Variants in CNTN4 observed in about 807,000 individuals in gnomAD.
CNTN4 encodes contactin-4.
In CNTN4, 77 loss-of-function variants were observed where a neutral mutation model predicts 122.5. That is an observed-to-expected ratio of 0.63 (90% CI 0.52 to 0.76). The LOEUF is 0.76. Ranked by LOEUF, CNTN4 falls within the 30% of genes least tolerant of loss-of-function variation. The pLI, the probability that CNTN4 is intolerant of heterozygous loss-of-function variation, is 0.00. For synonymous variants in CNTN4, 512 were observed against 447.0 expected (o/e 1.15, Z -1.83); for missense variants, 1,256 against 1,259.1 (o/e 1.00, Z 0.04).
intron 3 of CNTN4, among the ~76,000 whole-genome samples, chr3:2,391,440 G>A (rs979245565): frequency 6.6e-6 from 1 of 152,138 alleles, no homozygotes; most frequent in Non-Finnish European, 1.5e-5. Context: ...GAGAAAGATG[G>A]AAAAGCTTTG....
chr3:2,383,885 C>T (rs1412969588), intron 3 of CNTN4, among the ~76,000 whole-genome samples: 1 of 151,982 alleles, frequency 6.6e-6, no homozygotes, highest in African/African-American at 2.4e-5. Flanking sequence ...GACTTGTGTT[C>T]TAATAAACCC....
At chr3:2,191,853 A>G (rs571378342) in intron 2 of CNTN4, among the ~76,000 whole-genome samples, 22 of 152,134 alleles carry the variant, frequency 1.4e-4, no homozygotes, top group Middle Eastern at 3.4e-3. Context: ...TACATTAGGT[A>G]TATCTCCTAA....
chr3:2,788,704 G>C (rs1253471426), intron 6 of CNTN4, among the ~76,000 whole-genome samples: 1 of 152,088 alleles, frequency 6.6e-6, no homozygotes, highest in Non-Finnish European at 1.5e-5. Flanking sequence ...ACAGTCATTA[G>C]AATGCCAACC....
chr3:2,514,862 A>AT (rs1377241364), intron 3 of CNTN4, among the ~76,000 whole-genome samples: 10 of 151,930 alleles, frequency 6.6e-5, no homozygotes, highest in African/African-American at 2.2e-4. Context: ...GGATGCTTTC[A>AT]TTTTTTCTTC....
chr3:2,654,773 T>C (rs2150226999), intron 4 of CNTN4, among the ~76,000 whole-genome samples: 1 of 152,304 alleles, frequency 6.6e-6, no homozygotes, highest in East Asian at 1.9e-4. Flanking sequence ...TTAGGAGTCC[T>C]GGATTGCACA....
chr3:2,736,046 A>T (rs1280047808), intron 4 of CNTN4, 169 bp from the exon 5 acceptor site: 16 of 761,786 alleles, frequency 2.1e-5, no homozygotes, highest in African/African-American at 3.4e-5. Context: ...AATCCACAGA[A>T]GATTAACCTT....
intron 13 of CNTN4, among the ~76,000 whole-genome samples, chr3:2,966,397 C>T (rs1692311505): frequency 6.6e-6 from 1 of 152,034 alleles, no homozygotes; most frequent in Non-Finnish European, 1.5e-5. Context: ...ACAAATTTTG[C>T]ACGTTCTCAC....
chr3:2,555,689 A>G (rs1315947357), intron 3 of CNTN4, among the ~76,000 whole-genome samples: 2 of 152,202 alleles, frequency 1.3e-5, no homozygotes, highest in Admixed American at 6.5e-5. Context: ...TCTCTGATGT[A>G]TCAAGGCAGT....
intron 6 of CNTN4, among the ~76,000 whole-genome samples, chr3:2,812,491 C>G (rs569607375): frequency 1.3e-5 from 2 of 152,178 alleles, no homozygotes; most frequent in Admixed American, 6.5e-5. Flanking sequence ...CAGCATCAAT[C>G]TTGACTTGAA....
chr3:2,413,614 G>A (rs1396685481), intron 3 of CNTN4, among the ~76,000 whole-genome samples: 8 of 151,926 alleles, frequency 5.3e-5, no homozygotes, highest in African/African-American at 1.9e-4. Context: ...CGTGATCTCG[G>A]CTCACTACAA....
intron 3 of CNTN4, among the ~76,000 whole-genome samples, chr3:2,485,753 A>G (rs915700316): frequency 6.6e-6 from 1 of 152,140 alleles, no homozygotes; most frequent in African/African-American, 2.4e-5. Context: ...AAATGCACCA[A>G]TCAGTGCTCT....
At chr3:2,391,179 G>A (rs1222131198) in intron 3 of CNTN4, among the ~76,000 whole-genome samples, 1 of 152,134 alleles carries the variant, frequency 6.6e-6, no homozygotes, top group Non-Finnish European at 1.5e-5. Flanking sequence ...TATGGGGTTG[G>A]ATACTTGCCA....
intron 3 of CNTN4, among the ~76,000 whole-genome samples, chr3:2,405,048 A>G (rs2046984521): frequency 6.6e-6 from 1 of 152,180 alleles, no homozygotes; most frequent in Non-Finnish European, 1.5e-5. Context: ...TTAACATAAT[A>G]AAAGATAACA....
intron 2 of CNTN4, among the ~76,000 whole-genome samples, chr3:2,252,157 A>T (rs932661860): frequency 6.6e-6 from 1 of 152,048 alleles, no homozygotes; most frequent in African/African-American, 2.4e-5. Context: ...TATTAGAAAC[A>T]ACAGTCTCTA....
At chr3:3,048,089 A>G (rs1307940682) in intron 23 of CNTN4, among the ~76,000 whole-genome samples, 1 of 152,156 alleles carries the variant, frequency 6.6e-6, no homozygotes, top group Non-Finnish European at 1.5e-5. Context: ...ACACCTCCTC[A>G]ACTACACCCC....
chr3:2,667,491 G>A (rs1256614844), intron 4 of CNTN4, among the ~76,000 whole-genome samples: 1 of 152,068 alleles, frequency 6.6e-6, no homozygotes, highest in Non-Finnish European at 1.5e-5. Flanking sequence ...CTGGATATTA[G>A]CCCTTTGTCA....
intron 2 of CNTN4, among the ~76,000 whole-genome samples, chr3:2,104,322 G>A (rs1284497975): frequency 6.6e-6 from 1 of 151,896 alleles, no homozygotes; most frequent in African/African-American, 2.4e-5. Flanking sequence ...TGTGCTTACT[G>A]TCATGTTTTC....
At chr3:2,377,943 A>G (rs1014944994) in intron 3 of CNTN4, among the ~76,000 whole-genome samples, 1 of 152,192 alleles carries the variant, frequency 6.6e-6, no homozygotes, top group Non-Finnish European at 1.5e-5. Context: ...TTATTTTTCC[A>G]AAAGAGTGGA....
chr3:2,364,434 A>G (rs1329600229), intron 3 of CNTN4, among the ~76,000 whole-genome samples: 1 of 152,166 alleles, frequency 6.6e-6, no homozygotes, highest in African/African-American at 2.4e-5. Context: ...TTGGCACAGC[A>G]GGGAGAAAGG....
Sources: gnomAD v4.1 joint callset for allele counts (sites outside exome capture counted in the v4.1 genomes callset) on GRCh38, gnomAD v4.1.1 for gene constraint, MANE v1.5 for transcripts, NCBI Gene and HGNC (gene_info 2026-07-23, HGNC 2026-07-21) for gene names.